CDYL2: variants seen among roughly 807,000 people sequenced by gnomAD.
CDYL2 encodes the protein chromodomain Y-like protein 2.
CDYL2 carries 23 observed loss-of-function variants against 49.4 expected under a neutral mutation model. The ratio of observed to expected loss-of-function variants is 0.47; its 90% CI spans 0.34 to 0.66. The LOEUF (loss-of-function observed/expected upper bound fraction) is 0.66, where lower values mean the gene tolerates loss of function less well. Among genes scored for constraint, CDYL2 ranks in the 30% least tolerant of loss-of-function variants. The pLI is 0.01. For missense variants in CDYL2, 678 were observed against 656.4 expected (o/e 1.03, Z -0.36); for synonymous variants, 360 against 268.8 (o/e 1.34, Z -3.32).
At chr16:80,737,894 G>C (rs934113754) in intron 1 of CDYL2, among the ~76,000 whole-genome samples, 17 of 152,112 alleles carry the variant, frequency 1.1e-4, no homozygotes, top group Admixed American at 2.0e-4. Flanking sequence ...TATACTTTAA[G>C]TTCTGGGTTA....
chr16:80,804,642 C>A (rs1009131487), upstream of CDYL2, among the ~76,000 whole-genome samples: 1 of 145,140 alleles, frequency 6.9e-6, no homozygotes, highest in Non-Finnish European at 1.5e-5. Context: ...GCCCCCGGGG[C>A]GGGGAGGCGG....
At chr16:80,736,798 A>T (rs533799372) in intron 1 of CDYL2, among the ~76,000 whole-genome samples, 4 of 152,244 alleles carry the variant, frequency 2.6e-5, no homozygotes, top group Admixed American at 2.6e-4. Context: ...TTACAGCCCA[A>T]TTAGGGCTTC....
chr16:80,746,732 G>C (rs1055371772), intron 1 of CDYL2, among the ~76,000 whole-genome samples: 2 of 152,172 alleles, frequency 1.3e-5, no homozygotes, highest in Non-Finnish European at 1.5e-5. Context: ...AGGGACACCA[G>C]TGAGGCTGCA....
In CDYL2 at chr16:80,647,424, G is replaced by A. The variant is rs141873918; in HGVS notation, c.617-14188C>T. Among the ~76,000 whole-genome samples the A allele has an allele frequency of 9.9e-3, 1,500 of 152,156 alleles. 25 individuals carry two copies. Among genetic ancestry groups the A allele is most frequent in the African/African-American group, 0.034 (1,422 of 41,506 alleles). ...TATCCTAAGCAAAAAGAACAAAACT[G>A]CAGGAATCACATTACCTGACTTCAA... On this transcript the variant is annotated intron_variant, in intron 2 of 6. Coordinates refer to ENST00000570137, the MANE Select transcript of CDYL2 (RefSeq NM_152342.4).
chr16:80,669,349 G>A (rs938504588), intron 2 of CDYL2, among the ~76,000 whole-genome samples: 2 of 152,154 alleles, frequency 1.3e-5, no homozygotes, highest in Admixed American at 6.5e-5. Flanking sequence ...GAGGCCCCAC[G>A]GACCATGGAA....
intron 2 of CDYL2, among the ~76,000 whole-genome samples, chr16:80,634,492 G>T (rs892263393): frequency 6.6e-6 from 1 of 152,182 alleles, no homozygotes; most frequent in African/African-American, 2.4e-5. Context: ...ACCAGGGCCT[G>T]TCGTGGGGTG....
chr16:80,679,281 A>AATAG (rs1909879923), intron 2 of CDYL2, among the ~76,000 whole-genome samples: 1 of 108,562 alleles, frequency 9.2e-6, no homozygotes, highest in Non-Finnish European at 2.0e-5. Flanking sequence ...TATATAAATA[A>AATAG]ATAAATAAAT....
chr16:80,766,294 A>G (rs190952038), intron 1 of CDYL2, among the ~76,000 whole-genome samples: 64 of 152,324 alleles, frequency 4.2e-4, no homozygotes. Flanking sequence ...AAAAAAAAAG[A>G]GAAGGTTCAC....
chr16:80,711,113 C>G (rs139812383), intron 1 of CDYL2, among the ~76,000 whole-genome samples: 6 of 152,184 alleles, frequency 3.9e-5, no homozygotes, highest in Non-Finnish European at 7.3e-5. Flanking sequence ...GGTTGTGCTA[C>G]GCGACTGGCA....
intron 1 of CDYL2, among the ~76,000 whole-genome samples, chr16:80,743,377 A>C (rs1473149263): frequency 1.3e-5 from 2 of 152,234 alleles, no homozygotes; most frequent in African/African-American, 4.8e-5. Flanking sequence ...GAAGTCACAA[A>C]GTGTGAAAGT....
intron 1 of CDYL2, among the ~76,000 whole-genome samples, chr16:80,689,159 G>C (rs1049625892): frequency 1.3e-5 from 2 of 152,188 alleles, no homozygotes; most frequent in Non-Finnish European, 2.9e-5. Flanking sequence ...AGCAATCTGA[G>C]ATGCTGAACT....
intron 1 of CDYL2, among the ~76,000 whole-genome samples, chr16:80,710,278 G>A (rs999434960): frequency 6.6e-6 from 1 of 152,142 alleles, no homozygotes; most frequent in Non-Finnish European, 1.5e-5. Flanking sequence ...AGAACTTACT[G>A]CTAAATGTTC....
chr16:80,612,665 G>A lies in CDYL2; in HGVS notation c.1179C>T (p.Cys393=). 6.2e-7 allele frequency: 1 copy of A among 1,612,796 alleles called. No homozygotes were observed. Among genetic ancestry groups the A allele is most frequent in the East Asian group, 2.2e-5 (1 of 44,854 alleles). The change falls in exon 5 of 7, where the codon TGC becomes TGT. Residue 393 remains cysteine (C), a synonymous_variant. Transcript: ENST00000570137. The surrounding 1 kb of genome is among the most constrained non-coding windows in gnomAD (Gnocchi z 5.0). ...GGATCTGGGGGAAGGTGTAGGAGGA[G>A]CAGCCAGCAGGCGTGAGGCGGATGG... The part of the protein sequence containing the change: ...YATIRLTPAG[C]SSYTFPQILG...
intron 1 of CDYL2, among the ~76,000 whole-genome samples, chr16:80,751,182 T>G (rs1045891024): frequency 6.6e-6 from 1 of 152,142 alleles, no homozygotes; most frequent in African/African-American, 2.4e-5. Flanking sequence ...CCAAAAACTT[T>G]AGACCTCCAC....
Position 80,632,807 on chromosome 16 carries a change from TAAGATG to T in CDYL2, c.834+206_834+211del, listed in dbSNP as rs1907625039. ...TCCCTCTCCCCATGGTCTTCATCCATAAGATGAGAGGGTATCATTACACGGTCATAA... is the reference window on the plus strand; with the variant it reads ...TCCCTCTCCCCATGGTCTTCATCCATAGAGGGTATCATTACACGGTCATAA... On this transcript the variant is annotated intron_variant, in intron 3 of 6. Coordinates refer to ENST00000570137, the MANE Select transcript of CDYL2 (RefSeq NM_152342.4). The T allele has an allele frequency of 7.5e-6, 4 of 532,916 alleles. No individual in the cohort carries two copies. In the African/African-American group the frequency reaches 7.6e-5, roughly 10 times the overall value. 33.0% of individuals were successfully genotyped at this position (532,916 alleles called of 1,614,324 possible).
At chr16:80,608,326 A>C in intron 5 of CDYL2, 91 bp from the exon 6 acceptor site, 1 of 1,358,132 alleles carries the variant, frequency 7.4e-7, no homozygotes, top group Non-Finnish European at 9.8e-7. Context: ...CAACCATCCC[A>C]GTTCTGGAAG....
chr16:80,681,179 C>T (rs2142468993), intron 2 of CDYL2, among the ~76,000 whole-genome samples: 1 of 152,210 alleles, frequency 6.6e-6, no homozygotes, highest in South Asian at 2.1e-4. Flanking sequence ...AAGCTAAAAC[C>T]ATATAAAAAG....
chr16:80,736,271 G>A (rs908467403), intron 1 of CDYL2: 3 of 152,194 alleles, frequency 2.0e-5, no homozygotes, highest in African/African-American at 4.8e-5. Context: ...GTCTGTTCTC[G>A]TTTCTAACGG....
At chr16:80,685,773 C>G (rs1306496438) in intron 1 of CDYL2, among the ~76,000 whole-genome samples, 1 of 152,176 alleles carries the variant, frequency 6.6e-6, no homozygotes, top group Non-Finnish European at 1.5e-5. Context: ...GTAACTTAAC[C>G]AAGTTCCAGA....
Sources: allele counts gnomAD v4.1 joint callset (sites outside exome capture counted in the v4.1 genomes callset), GRCh38; gene constraint gnomAD v4.1.1; non-coding constraint Gnocchi (gnomAD v3.1); transcripts MANE v1.5; gene names NCBI Gene and HGNC (gene_info 2026-07-23, HGNC 2026-07-21).